Variants in CNDP2 observed in about 807,000 individuals in gnomAD.
CNDP2 encodes the protein carnosine dipeptidase 2, also known as cytosolic non-specific dipeptidase.
A neutral mutation model predicts 55.0 loss-of-function variants in CNDP2; 38 were observed. The observed-to-expected ratio is 0.69, with a 90% confidence interval of 0.53 to 0.90. CNDP2 has a LOEUF of 0.90. Ranked by LOEUF, CNDP2 falls within the 40% of genes least tolerant of loss-of-function variation. The probability of loss-of-function intolerance (pLI) is 0.00; values close to 1 mark genes in which losing one functional copy is unlikely to be tolerated. For missense variants in CNDP2, 607 were observed against 621.7 expected (o/e 0.98, Z 0.25); for synonymous variants, 241 against 260.2 (o/e 0.93, Z 0.71).
At position 74,516,253 on chromosome 18, in the gene CNDP2, G is replaced by A. The variant is rs543311440; in HGVS notation, c.929G>A (p.Arg310Gln). 4 of 1,613,734 alleles carry A rather than the reference G, an allele frequency of 2.5e-6. No homozygotes were observed. The highest frequency in any genetic ancestry group is 1.1e-5 in the South Asian group (1 of 91,058). Residue 310 changes from arginine to glutamine, a missense_variant, in exon 9 of 12, where the codon CGG (arginine) becomes CAG (glutamine). Transcript: ENST00000324262. ...HKKDILMHRW[R>Q]YPSLSLHGIE... ...AAAGACATCCTCATGCACCGATGGC[G>A]GTACCCGTCTCTGTCCCTCCATGGC...
chr18:74,513,642 C>G lies in CNDP2; in HGVS notation c.826C>G (p.Leu276Val), dbSNP rs773312994. 4 of 1,614,012 alleles carry G rather than the reference C, an allele frequency of 2.5e-6. No individual in the cohort carries two copies. In the Admixed American group the frequency reaches 6.7e-5, roughly 27 times the overall value. The change falls in exon 8 of 12, where the codon CTG becomes GTG. Residue 276 changes from leucine to valine, a missense_variant. Transcript: ENST00000324262. ...CGCCGTCACGGAAGAGGAGCACAAG[C>G]TGTACGACGACATCGACTTTGACAT... Reference protein sequence around the residue: ...VAAVTEEEHKLYDDIDFDIEE... With the variant: ...VAAVTEEEHKVYDDIDFDIEE...
rs942602886 is a variant in CNDP2 at position 74,522,112 on chromosome 18, G to A, written c.*2044G>A. The A allele has an allele frequency of 1.3e-5, 2 of 152,240 alleles. No homozygotes were observed. Among genetic ancestry groups the A allele is most frequent in the African/African-American group, 4.8e-5 (2 of 41,466 alleles). 9.4% of individuals were successfully genotyped at this position (152,240 alleles called of 1,614,324 possible). A position where few individuals can be genotyped will look rare whatever the true frequency, so the allele number is the denominator to read the frequency against. ...TCTTAGTTTTGATCATTGTGCTGTAGCTGCATAAGAGGTTAGCTGGGTGAA... is the reference window on the plus strand; with the variant it reads ...TCTTAGTTTTGATCATTGTGCTGTAACTGCATAAGAGGTTAGCTGGGTGAA... On this transcript the variant is annotated 3_prime_UTR_variant, in exon 12 of 12. Coordinates refer to ENST00000324262, the MANE Select transcript of CNDP2 (RefSeq NM_018235.3).
chr18:74,510,681 A>G lies in CNDP2; in HGVS notation c.457-132A>G, dbSNP rs1403391698. 14 of 754,982 alleles carry G rather than the reference A, an allele frequency of 1.9e-5. No individual in the cohort carries two copies. In the Admixed American group the frequency reaches 3.0e-4, roughly 16 times the overall value. The allele number at this position is 754,982 out of a possible 1,614,324, so 46.8% of individuals were successfully genotyped here. On this transcript the variant is annotated intron_variant, in intron 5 of 11. Transcript: ENST00000324262. ...GGCAGTACCTGGGGAGGGGGTGATGACAGGTGCACACGGAGGCCCATGTGG... is the reference window on the plus strand; with the variant it reads ...GGCAGTACCTGGGGAGGGGGTGATGGCAGGTGCACACGGAGGCCCATGTGG...
chr18:74,513,842 C>G, intron 8 of CNDP2, 123 bp downstream of exon 8: 3 of 956,402 alleles, frequency 3.1e-6, no homozygotes, highest in Non-Finnish European at 4.6e-6. Context: ...ATGTCCGATG[C>G]ACATGAGTCA....
At chr18:74,517,805 A>G (rs1979772779) in intron 9 of CNDP2, 1 of 152,020 alleles carries the variant, frequency 6.6e-6, no homozygotes, top group Non-Finnish European at 1.5e-5. Flanking sequence ...AAATATATGA[A>G]TTCTGGGGGC....
intron 1 of CNDP2, among the ~76,000 whole-genome samples, chr18:74,498,239 T>G (rs1978511219): frequency 6.6e-6 from 1 of 152,154 alleles, no homozygotes; most frequent in African/African-American, 2.4e-5. Context: ...CACACAAACC[T>G]GGATGGTACA....
rs1599076359 is a variant in CNDP2 at position 74,521,705 on chromosome 18, G to GAGA, written c.*1637_*1638insAGA. 6.6e-6 allele frequency: 1 copy of GAGA among 152,290 alleles called. No individual in the cohort carries two copies. The highest frequency in any genetic ancestry group is 1.9e-4 in the East Asian group (1 of 5,200). 9.4% of individuals were successfully genotyped at this position (152,290 alleles called of 1,614,324 possible). On this transcript the variant is annotated 3_prime_UTR_variant, in exon 12 of 12. Transcript: ENST00000324262. ...GTGACAAAGTGGGTGAGAAGGACCA[G>GAGA]TGCCCCTGGATGAAGAATCTCTGCT... is the stretch of plus-strand genomic sequence containing the variant.
chr18:74,499,034 A>G (rs556524520), intron 1 of CNDP2, among the ~76,000 whole-genome samples: 20 of 152,272 alleles, frequency 1.3e-4, no homozygotes, highest in Non-Finnish European at 2.8e-4. Context: ...CCAAGGAAAC[A>G]ATGCTCTTTA....
intron 5 of CNDP2, chr18:74,509,147 A>C: frequency 1.9e-6 from 1 of 530,704 alleles, no homozygotes; most frequent in East Asian, 2.9e-5. Context: ...AGCTGCTTAA[A>C]GGTCACAATA....
chr18:74,519,928 G>T (rs1203155666), intron 11 of CNDP2, 71 bp from the exon 12 acceptor site: 3 of 1,413,474 alleles, frequency 2.1e-6, no homozygotes, highest in Non-Finnish European at 3.0e-6. Flanking sequence ...CTGGGCTCGG[G>T]AGGAGTCACC....
chr18:74,517,735 C>T (rs1280035241), intron 9 of CNDP2: 1 of 151,902 alleles, frequency 6.6e-6, no homozygotes, highest in Admixed American at 6.6e-5. Context: ...GTGACTTTGT[C>T]TCACACCTTA....
intron 1 of CNDP2, among the ~76,000 whole-genome samples, 172 bp downstream of exon 1, chr18:74,496,603 C>T (rs1044358395): frequency 5.3e-5 from 8 of 152,108 alleles, no homozygotes; most frequent in African/African-American, 1.9e-4. Flanking sequence ...CCCGAGCGCG[C>T]GGTCGGGGGC....
At chr18:74,512,658 C>G in intron 7 of CNDP2, 126 bp downstream of exon 7, 1 of 743,290 alleles carries the variant, frequency 1.3e-6, no homozygotes, top group Non-Finnish European at 2.2e-6. Context: ...TCTCAGTTTC[C>G]TACTGTGCCT....
At chr18:74,505,598 CAA>C (rs369659489) in intron 3 of CNDP2, among the ~76,000 whole-genome samples, 26,323 of 123,010 alleles carry the variant, frequency 0.21, 2,371 homozygotes, top group Admixed American at 0.32. Context: ...GATTCTGTCT[CAA>C]AAAAAAAAAA....
At chr18:74,505,385 A>G (rs972074778) in intron 3 of CNDP2, 2 of 155,356 alleles carry the variant, frequency 1.3e-5, no homozygotes, top group African/African-American at 4.8e-5. Flanking sequence ...GTTTGCCTGA[A>G]CTCAGGAATT....
intron 9 of CNDP2, chr18:74,517,703 G>T (rs530272107): frequency 6.6e-6 from 1 of 151,868 alleles, no homozygotes; most frequent in African/African-American, 2.4e-5. Context: ...GCAGAATGGC[G>T]CAAACGCAGC....
intron 3 of CNDP2, among the ~76,000 whole-genome samples, chr18:74,502,504 A>G (rs943327360): frequency 2.0e-5 from 3 of 147,814 alleles, no homozygotes; most frequent in African/African-American, 7.5e-5. Context: ...GGGTTTCACC[A>G]TGTTTCCAGG....
intron 3 of CNDP2, among the ~76,000 whole-genome samples, chr18:74,503,898 C>A (rs1290486029): frequency 1.1e-5 from 1 of 91,436 alleles, no homozygotes; most frequent in Admixed American, 1.4e-4. Flanking sequence ...CGTCAGGCCA[C>A]ACGCCACACA....
rs1325954156 is a variant in CNDP2, at chr18:74,516,239, C to T, written c.915C>T (p.Leu305=). The change falls in exon 9 of 12, where the codon CTC becomes CTT. Residue 305 remains leucine (L), a synonymous_variant. Coordinates refer to ENST00000324262, the MANE Select transcript of CNDP2 (RefSeq NM_018235.3). ...TGATTTTTCTGCAGAAAGACATCCT[C>T]ATGCACCGATGGCGGTACCCGTCTC... The part of the protein sequence containing the change: ...ILLHSHKKDI[L]MHRWRYPSLS... The T allele has an allele frequency of 1.9e-6, 3 of 1,612,566 alleles. No homozygotes were observed. The highest frequency in any genetic ancestry group is 2.5e-6 in the Non-Finnish European group (3 of 1,179,164).
Sources: gnomAD v4.1 joint callset for allele counts (sites outside exome capture counted in the v4.1 genomes callset) on GRCh38, gnomAD v4.1.1 for gene constraint, MANE v1.5 for transcripts, NCBI Gene and HGNC (gene_info 2026-07-23, HGNC 2026-07-21) for gene names.